SLC25A42: variants seen among roughly 807,000 people sequenced by gnomAD.
SLC25A42 encodes the protein solute carrier family 25 member 42.
A neutral mutation model predicts 34.7 loss-of-function variants in SLC25A42; 19 were observed. The observed-to-expected ratio is 0.55, with a 90% CI of 0.38 to 0.80. The LOEUF (loss-of-function observed/expected upper bound fraction) is 0.80, where lower values mean the gene tolerates loss of function less well. SLC25A42 is among the 30% of genes least tolerant of loss of function. The pLI is 0.00. For synonymous variants in SLC25A42, 205 were observed against 191.2 expected (o/e 1.07, Z -0.59); for missense variants, 364 against 441.3 (o/e 0.82, Z 1.57).
At chr19:19,072,332 G>A (rs2059635283) in intron 1 of SLC25A42, among the ~76,000 whole-genome samples, 1 of 152,134 alleles carries the variant, frequency 6.6e-6, no homozygotes, top group Admixed American at 6.6e-5. Context: ...CTGTGAAGAT[G>A]GTGACAGATG....
intron 6 of SLC25A42, 75 bp downstream of exon 6, chr19:19,106,460 C>T: frequency 7.8e-7 from 1 of 1,274,072 alleles, no homozygotes. Context: ...CGGAATCCCT[C>T]TCTCTATCGG....
At chr19:19,085,847 A>C (rs1214504520) in intron 1 of SLC25A42, among the ~76,000 whole-genome samples, 2 of 138,456 alleles carry the variant, frequency 1.4e-5, no homozygotes, top group African/African-American at 5.3e-5. Context: ...AGGAGGGGAG[A>C]GGGGAGGGGA....
In SLC25A42 at chr19:19,099,889, G is replaced by A. The variant is rs559723577; in HGVS notation, c.82-1892G>A. 1.3e-4 allele frequency among the ~76,000 whole-genome samples: 19 copies of A among 151,844 alleles called. No homozygotes were observed. The East Asian group carries it at 3.0e-3, about 24-fold the overall frequency. On this transcript the variant is annotated intron_variant, in intron 2 of 7. Coordinates refer to ENST00000318596, the MANE Select transcript of SLC25A42 (RefSeq NM_178526.5). ...ATTACAGGCACCCACCACCATGCCC[G>A]GCTAATTTTCGTATTTTTAGTAGAG...
At chr19:19,087,200 T>C (rs1269240523) in intron 1 of SLC25A42, among the ~76,000 whole-genome samples, 2 of 152,128 alleles carry the variant, frequency 1.3e-5, no homozygotes, top group Non-Finnish European at 2.9e-5. Flanking sequence ...ATAAATGAGA[T>C]CATGCAGCAT....
At chr19:19,094,963 G>A (rs552303802) in intron 1 of SLC25A42, among the ~76,000 whole-genome samples, 8 of 152,204 alleles carry the variant, frequency 5.3e-5, no homozygotes, top group African/African-American at 1.9e-4. Flanking sequence ...GGGAGGCCAC[G>A]TTAGGAGGAT....
At chr19:19,091,024 CT>C (rs1313271978) in intron 1 of SLC25A42, among the ~76,000 whole-genome samples, 1 of 152,232 alleles carries the variant, frequency 6.6e-6, no homozygotes, top group East Asian at 1.9e-4. Context: ...CATCTTTCTG[CT>C]GTGACAAAAG....
intron 1 of SLC25A42, among the ~76,000 whole-genome samples, chr19:19,065,787 T>C (rs2059599023): frequency 6.6e-6 from 1 of 152,234 alleles, no homozygotes; most frequent in Admixed American, 6.5e-5. Flanking sequence ...ATACATATTT[T>C]ATATATACAT....
intron 2 of SLC25A42, among the ~76,000 whole-genome samples, chr19:19,100,815 C>G (rs1218539763): frequency 6.6e-6 from 1 of 152,198 alleles, no homozygotes; most frequent in Admixed American, 6.5e-5. Flanking sequence ...GATGCCCTTG[C>G]CTGGTGGGAC....
rs1397217135 is a variant in SLC25A42, at chr19:19,066,869, C to T, written c.-35+2754C>T. ...CCAGCCGTGCTCAGACACTTCAGACCCCCCTGTCTTGCTGGCCATGCCTGT... is the reference window on the plus strand; with the variant it reads ...CCAGCCGTGCTCAGACACTTCAGACTCCCCTGTCTTGCTGGCCATGCCTGT... On this transcript the variant is annotated intron_variant, in intron 1 of 7. Coordinates refer to ENST00000318596, the MANE Select transcript of SLC25A42 (RefSeq NM_178526.5). Among the ~76,000 whole-genome samples, 8 of 152,108 alleles carry T rather than the reference C, an allele frequency of 5.3e-5. No homozygotes were observed. In the East Asian group the frequency reaches 1.4e-3, roughly 26 times the overall value.
rs574310769 is a variant in SLC25A42, at chr19:19,102,171, G to A, written c.187+285G>A. ...CTACAGGCATGCGCCACCATGCCCG[G>A]CCAATTTTTTTGTATTTTTAGTAGA... On this transcript the variant is annotated intron_variant, in intron 3 of 7. Coordinates refer to ENST00000318596, the MANE Select transcript of SLC25A42 (RefSeq NM_178526.5). Among the ~76,000 whole-genome samples, 817 of 151,898 alleles carry A rather than the reference G, an allele frequency of 5.4e-3. 2 individuals carry two copies. Among genetic ancestry groups the A allele is most frequent in the Non-Finnish European group, 9.3e-3 (629 of 67,954 alleles).
At position 19,113,003 on chromosome 19, in the gene SLC25A42, T is replaced by C. The variant is rs1430382605; in HGVS notation, c.*2127T>C. ...TTGTGATAAAAGTTCTGAATAAAAG[T>C]CTTGAATAAAGAAGTTTTTAAATGC... On this transcript the variant is annotated 3_prime_UTR_variant, in exon 8 of 8. Coordinates refer to ENST00000318596, the MANE Select transcript of SLC25A42 (RefSeq NM_178526.5). 1.3e-5 allele frequency: 2 copies of C among 149,820 alleles called. No homozygotes were observed. Among genetic ancestry groups the C allele is most frequent in the African/African-American group, 5.0e-5 (2 of 40,260 alleles). The allele number at this position is 149,820 out of a possible 1,614,324, so 9.3% of individuals were successfully genotyped here. A position where few individuals can be genotyped will look rare whatever the true frequency, so the allele number is the denominator to read the frequency against.
intron 1 of SLC25A42, among the ~76,000 whole-genome samples, chr19:19,074,280 A>G (rs549064234): frequency 6.6e-6 from 1 of 152,318 alleles, no homozygotes; most frequent in East Asian, 1.9e-4. Flanking sequence ...AGCAGGAAGA[A>G]ACTCCCCATT....
intron 7 of SLC25A42, among the ~76,000 whole-genome samples, chr19:19,110,262 G>A (rs2059855496): frequency 6.6e-6 from 1 of 152,150 alleles, no homozygotes; most frequent in Admixed American, 6.5e-5. Context: ...AGAATTGCTT[G>A]AACCCGGGAG....
intron 1 of SLC25A42, among the ~76,000 whole-genome samples, chr19:19,082,809 A>G (rs4808182): frequency 0.91 from 138,523 of 152,024 alleles, 63,324 homozygotes; most frequent in African/African-American, 0.98. Context: ...ACCAAGCCCA[A>G]CTAATTTTTT....
intron 6 of SLC25A42, 103 bp downstream of exon 6, chr19:19,106,488 C>T: frequency 1.1e-6 from 1 of 899,520 alleles, no homozygotes; most frequent in Non-Finnish European, 1.7e-6. Flanking sequence ...GGGTTTGCAT[C>T]TGGGCCTCCG....
chr19:19,098,433 GC>G (rs909115128), intron 2 of SLC25A42, among the ~76,000 whole-genome samples: 1 of 152,098 alleles, frequency 6.6e-6, no homozygotes, highest in African/African-American at 2.4e-5. Context: ...CCTTGTCTTT[GC>G]AAAAAAATAA....
intron 5 of SLC25A42, chr19:19,105,964 G>T: frequency 3.6e-6 from 2 of 559,488 alleles, no homozygotes. Flanking sequence ...GTCTCCAGAC[G>T]TTTCTCCACC....
At chr19:19,090,380 A>G (rs1266230726) in intron 1 of SLC25A42, among the ~76,000 whole-genome samples, 1 of 151,924 alleles carries the variant, frequency 6.6e-6, no homozygotes, top group Non-Finnish European at 1.5e-5. Context: ...TTAACAAGAT[A>G]AAAGCAGACA....
chr19:19,104,544 G>T (rs1182654173), intron 3 of SLC25A42, among the ~76,000 whole-genome samples: 2 of 152,232 alleles, frequency 1.3e-5, no homozygotes, highest in African/African-American at 4.8e-5. Context: ...GACCCTGGGA[G>T]GGGCATGTCC....
Sources: gnomAD v4.1 joint callset for allele counts (sites outside exome capture counted in the v4.1 genomes callset) on GRCh38, gnomAD v4.1.1 for gene constraint, MANE v1.5 for transcripts, NCBI Gene and HGNC (gene_info 2026-07-23, HGNC 2026-07-21) for gene names.